Variants in MYO5A observed in about 807,000 individuals in gnomAD.
The protein encoded by MYO5A is myosin VA.
Under a neutral mutation model 249.7 loss-of-function variants are expected in MYO5A, and 98 were observed. That is an observed-to-expected ratio of 0.39 (90% CI 0.33 to 0.46). MYO5A has a LOEUF of 0.46. MYO5A is among the 20% of genes least tolerant of loss of function. The pLI is 0.98. For missense variants in MYO5A, 1,696 were observed against 2,308.8 expected, an observed-to-expected ratio of 0.73 and a Z score of 5.44; for synonymous variants, 778 against 810.6, an observed-to-expected ratio of 0.96 and a Z score of 0.68.
intron 3 of MYO5A, among the ~76,000 whole-genome samples, chr15:52,427,878 A>C (rs900037854): frequency 6.6e-6 from 1 of 152,180 alleles, no homozygotes; most frequent in Non-Finnish European, 1.5e-5. Flanking sequence ...ACACATGCAG[A>C]GGCTTTATTT....
chr15:52,386,059 G>C (rs1203812748), intron 14 of MYO5A, among the ~76,000 whole-genome samples: 1 of 152,182 alleles, frequency 6.6e-6, no homozygotes, highest in Non-Finnish European at 1.5e-5. Flanking sequence ...GCTCACACCT[G>C]TAATCCCAGC....
rs537581989 is a variant in MYO5A at position 52,520,340 on chromosome 15, G to A, written c.27+8440C>T. Among the ~76,000 whole-genome samples, 7 of 152,228 alleles carry A rather than the reference G, an allele frequency of 4.6e-5. No homozygotes were observed. In the South Asian group the frequency reaches 8.3e-4, roughly 18 times the overall value. On this transcript the variant is annotated intron_variant, in intron 1 of 41. Transcript: ENST00000399233. ...GTGAGCACAGACTTGACCACTCATG[G>A]TGCTCCTCACCTACTGCCTAGAGGC...
At chr15:52,509,313 A>T (rs548020822) in intron 1 of MYO5A, among the ~76,000 whole-genome samples, 5 of 152,224 alleles carry the variant, frequency 3.3e-5, no homozygotes, top group South Asian at 2.1e-4. Flanking sequence ...CAGCATCCTC[A>T]TATTGGGTTG....
At chr15:52,469,263 T>C (rs2076410295) in intron 1 of MYO5A, among the ~76,000 whole-genome samples, 1 of 152,206 alleles carries the variant, frequency 6.6e-6, no homozygotes, top group African/African-American at 2.4e-5. Context: ...CTACTACTAA[T>C]AGCCTCCTAT....
intron 12 of MYO5A, 138 bp downstream of exon 12, chr15:52,391,792 G>A (rs1339237106): frequency 2.4e-6 from 2 of 831,628 alleles, no homozygotes; most frequent in Non-Finnish European, 1.9e-6. Context: ...GTGTCCCTTT[G>A]GAATGAAAGC....
intron 11 of MYO5A, among the ~76,000 whole-genome samples, chr15:52,395,478 A>G (rs766002466): frequency 2.0e-5 from 3 of 152,110 alleles, no homozygotes; most frequent in Non-Finnish European, 4.4e-5. Flanking sequence ...TCTAATTCCT[A>G]TGGGCATCTC....
In MYO5A at chr15:52,370,413, T is replaced by C. The variant is rs374079932; in HGVS notation, c.2822A>G (p.Lys941Arg). The C allele has an allele frequency of 1.9e-6, 3 of 1,610,808 alleles. No homozygotes were observed. The highest frequency in any genetic ancestry group is 1.7e-5 in the Admixed American group (1 of 59,986). The part of the protein sequence containing the change: ...QLQRKVDEQN[K>R]DYKCLVEKLT... ...TTTCTCCACAAGGCATTTGTAGTCT[T>C]TGTTCTTTAAACATACACATAAGTA... Residue 941 changes from lysine (K) to arginine (R), a missense_variant, in exon 22 of 42, where the codon AAA becomes AGA. By Grantham distance (26) the Lys-to-Arg change is conservative. Around this residue, in one of 5 missense-constraint regions of MYO5A, gnomAD observed 412 missense variants for 453.3 expected, o/e 0.91. Transcript: ENST00000399233.
At chr15:52,404,833 C>G (rs2042926342) in intron 9 of MYO5A, among the ~76,000 whole-genome samples, 1 of 152,236 alleles carries the variant, frequency 6.6e-6, no homozygotes, top group Non-Finnish European at 1.5e-5. Flanking sequence ...AATAGGAAGT[C>G]AGGGGTCAGT....
At chr15:52,348,459 C>T (rs4776038) in intron 29 of MYO5A, among the ~76,000 whole-genome samples, 5 of 152,146 alleles carry the variant, frequency 3.3e-5, no homozygotes, top group East Asian at 3.9e-4. Context: ...CCAACAAGCC[C>T]GCCACTGGTA....
Position 52,408,069 on chromosome 15 carries a change from C to T in MYO5A, c.828G>A (p.Met276Ile). ...ATGCCATATTCATACCTAATCGTAG[C>T]ATTTTAAATTCAGGTAACTTTGCTG... is the stretch of plus-strand genomic sequence containing the variant. ...CASAKLPEFK[M>I]LRLGNADNFN... Residue 276 changes from methionine (M) to isoleucine (I), a missense_variant, in exon 7 of 42, where the codon ATG (methionine) becomes ATA (isoleucine). Around this residue, in one of 5 missense-constraint regions of MYO5A, gnomAD observed 185 missense variants for 204.8 expected, o/e 0.90. Coordinates refer to ENST00000399233, the MANE Select transcript of MYO5A (RefSeq NM_001382347.1). 3 of 1,583,740 alleles carry T rather than the reference C, an allele frequency of 1.9e-6. No homozygotes were observed. The highest frequency in any genetic ancestry group is 1.7e-6 in the Non-Finnish European group (2 of 1,153,168).
intron 25 of MYO5A, among the ~76,000 whole-genome samples, chr15:52,357,668 C>T (rs2040311314): frequency 6.6e-6 from 1 of 152,116 alleles, no homozygotes; most frequent in African/African-American, 2.4e-5. Context: ...CCGATGGTAC[C>T]CATTCTGAGC....
chr15:52,386,773 C>A (rs2041991217), intron 14 of MYO5A, among the ~76,000 whole-genome samples: 1 of 152,134 alleles, frequency 6.6e-6, no homozygotes, highest in Non-Finnish European at 1.5e-5. Flanking sequence ...ATCTTAAACT[C>A]CTGGGCTCAA....
chr15:52,419,508 A>C (rs2043686047), intron 4 of MYO5A, among the ~76,000 whole-genome samples: 2 of 152,208 alleles, frequency 1.3e-5, no homozygotes, highest in African/African-American at 4.8e-5. Context: ...AGTCTCAATA[A>C]GAAAATGCTT....
At position 52,511,429 on chromosome 15, in the gene MYO5A, C is replaced by G. The variant is rs2077387491; in HGVS notation, c.27+17351G>C. Among the ~76,000 whole-genome samples the G allele has an allele frequency of 4.6e-5, 7 of 152,302 alleles. No individual in the cohort carries two copies. In the South Asian group the frequency reaches 1.4e-3, roughly 32 times the overall value. On this transcript the variant is annotated intron_variant, in intron 1 of 41. Transcript: ENST00000399233. ...CATGTGTTTTTTTCTTGAATAACTG[C>G]CTCTGCTATATTTCTCCTTCCTTTA...
rs997840911 is a variant in MYO5A, at chr15:52,384,399, G to A, written c.1753-77C>T. 7.8e-6 allele frequency: 11 copies of A among 1,415,188 alleles called. No individual in the cohort carries two copies. The African/African-American group carries it at 1.6e-4, about 20-fold the overall frequency. The allele number at this position is 1,415,188 out of a possible 1,614,324, so 87.7% of individuals were successfully genotyped here. A position where few individuals can be genotyped will look rare whatever the true frequency, so the allele number is the denominator to read the frequency against. On this transcript the variant is annotated intron_variant, in intron 14 of 41. Transcript: ENST00000399233. ...AAACCTTCACAAAAGAAATATTACA[G>A]AGATTCCCTTCCTTAAGTAATCACT...
chr15:52,508,165 A>T (rs1354952653), intron 1 of MYO5A, among the ~76,000 whole-genome samples: 1 of 152,170 alleles, frequency 6.6e-6, no homozygotes, highest in Non-Finnish European at 1.5e-5. Context: ...TTATTTAATC[A>T]TTCAAATTTG....
intron 1 of MYO5A, among the ~76,000 whole-genome samples, chr15:52,470,371 G>A (rs1449717834): frequency 1.3e-5 from 2 of 152,180 alleles, no homozygotes; most frequent in Non-Finnish European, 2.9e-5. Context: ...CCATCCTTGG[G>A]CCAGGCGCAG....
chr15:52,474,378 C>T (rs961609180), intron 1 of MYO5A, among the ~76,000 whole-genome samples: 3 of 152,128 alleles, frequency 2.0e-5, no homozygotes, highest in Non-Finnish European at 4.4e-5. Context: ...AATACCCTTT[C>T]TTTCTTTCTC....
chr15:52,447,278 GCTCT>G lies in MYO5A; in HGVS notation c.28-13997_28-13994del, dbSNP rs2075913099. 2.0e-5 allele frequency among the ~76,000 whole-genome samples: 3 copies of G among 151,876 alleles called. No individual in the cohort carries two copies. In the South Asian group the frequency reaches 6.2e-4, roughly 32 times the overall value. Reference sequence around the variant, plus strand: ...ATCGTTATCACTCACTCACACTCTCGCTCTCTCTCTTGCTTTCTCTCTCCCCAAT... The same window carrying G: ...ATCGTTATCACTCACTCACACTCTCGCTCTCTTGCTTTCTCTCTCCCCAAT... On this transcript the variant is annotated intron_variant, in intron 1 of 41. Transcript: ENST00000399233.
Sources: gnomAD v4.1 joint callset for allele counts (sites outside exome capture counted in the v4.1 genomes callset) on GRCh38, gnomAD v4.1.1 for gene constraint, gnomAD v4.1.1 regional missense constraint, MANE v1.5 for transcripts, NCBI Gene and HGNC (gene_info 2026-07-23, HGNC 2026-07-21) for gene names.